HMCN1: variants seen among roughly 807,000 people sequenced by gnomAD.
The protein encoded by HMCN1 is hemicentin 1.
A neutral mutation model predicts 625.9 loss-of-function variants in HMCN1; 321 were observed. The ratio of observed to expected loss-of-function variants is 0.51; its 90% CI spans 0.47 to 0.56. HMCN1 has a LOEUF of 0.56. Among genes scored for constraint, HMCN1 ranks in the 20% least tolerant of loss-of-function variants. The pLI is 0.00. For missense variants in HMCN1, 6,588 were observed against 6,887.3 expected, an observed-to-expected ratio of 0.96 and a Z score of 1.54; for synonymous variants, 2,425 against 2,417.6, an observed-to-expected ratio of 1.00 and a Z score of -0.09.
intron 71 of HMCN1, 40 bp downstream of exon 71, chr1:186,108,637 T>C (rs745482715): frequency 8.1e-6 from 13 of 1,612,204 alleles, no homozygotes; most frequent in African/African-American, 1.3e-5. Context: ...CTTTTTGAGA[T>C]GAAAAAAGTA....
At chr1:185,792,926 T>C (rs753931961) in intron 1 of HMCN1, among the ~76,000 whole-genome samples, 1 of 152,244 alleles carries the variant, frequency 6.6e-6, no homozygotes, top group Non-Finnish European at 1.5e-5. Flanking sequence ...TTGTGATTAA[T>C]AATGCAGTTT....
At chr1:186,087,759 A>T (rs1659596467) in intron 60 of HMCN1, 114 bp downstream of exon 60, 1 of 1,239,438 alleles carries the variant, frequency 8.1e-7, no homozygotes, top group Non-Finnish European at 1.2e-6. Flanking sequence ...TCATTAAAAA[A>T]ATACATAGCC....
At position 186,088,501 on chromosome 1, in the gene HMCN1, A is replaced by G. The variant is rs1190933892; in HGVS notation, c.9578-105A>G. 1.3e-5 allele frequency: 18 copies of G among 1,410,252 alleles called. No individual in the cohort carries two copies. In the South Asian group the frequency reaches 2.0e-4, roughly 15 times the overall value. 87.4% of individuals were successfully genotyped at this position (1,410,252 alleles called of 1,614,324 possible). ...TAAAAAAGAAAATGGAGAACTTTTA[A>G]GAAATGCATTTATCACGTAAAGTAA... On this transcript the variant is annotated intron_variant, in intron 62 of 106. Coordinates refer to ENST00000271588, the MANE Select transcript of HMCN1 (RefSeq NM_031935.3).
At chr1:185,989,209 G>GTGTTAGCCAGGA (rs556518679) in intron 20 of HMCN1, among the ~76,000 whole-genome samples, 11 of 151,794 alleles carry the variant, frequency 7.2e-5, no homozygotes, top group Admixed American at 4.6e-4. Flanking sequence ...GGGTTTCACC[G>GTGTTAGCCAGGA]TGGTCTCGAT....
At chr1:186,115,037 A>G in intron 74 of HMCN1, 91 bp downstream of exon 74, 1 of 1,561,324 alleles carries the variant, frequency 6.4e-7, no homozygotes. Flanking sequence ...CTTGACATTG[A>G]AGGCTAGTTA....
intron 11 of HMCN1, among the ~76,000 whole-genome samples, chr1:185,957,754 G>A (rs1239499559): frequency 6.6e-6 from 1 of 152,118 alleles, no homozygotes; most frequent in African/African-American, 2.4e-5. Flanking sequence ...GTGGATGTCT[G>A]TCATTAATTA....
At chr1:185,947,237 A>G (rs1668395058) in intron 11 of HMCN1, among the ~76,000 whole-genome samples, 1 of 152,194 alleles carries the variant, frequency 6.6e-6, no homozygotes, top group African/African-American at 2.4e-5. Context: ...ACTTTCTGCA[A>G]TGATGGAATT....
intron 22 of HMCN1, among the ~76,000 whole-genome samples, chr1:185,990,849 C>A (rs550321742): frequency 2.8e-4 from 42 of 152,300 alleles, no homozygotes; most frequent in Non-Finnish European, 5.3e-4. Flanking sequence ...CTTGCTTAAA[C>A]CCTTATACAA....
chr1:186,077,415 T>C (rs1445813620), intron 54 of HMCN1, among the ~76,000 whole-genome samples: 2 of 152,124 alleles, frequency 1.3e-5, no homozygotes, highest in Non-Finnish European at 2.9e-5. Flanking sequence ...TTTTAATCAT[T>C]GTAACACGGT....
At chr1:186,186,032 A>T (rs1211946224) in intron 105 of HMCN1, among the ~76,000 whole-genome samples, 6 of 152,234 alleles carry the variant, frequency 3.9e-5, no homozygotes, top group Middle Eastern at 3.2e-3. Context: ...TGGCGTTGTT[A>T]TACAGATTGT....
At chr1:186,096,867 A>T (rs1395437425) in intron 68 of HMCN1, among the ~76,000 whole-genome samples, 1 of 152,124 alleles carries the variant, frequency 6.6e-6, no homozygotes, top group Non-Finnish European at 1.5e-5. Flanking sequence ...ACCCTCAACA[A>T]ATTAGGGATA....
At chr1:186,114,753 T>A in intron 73 of HMCN1, 66 bp from the exon 74 acceptor site, 1 of 1,577,070 alleles carries the variant, frequency 6.3e-7, no homozygotes, top group Non-Finnish European at 8.7e-7. Context: ...AACATTTCCC[T>A]CAGTCAAAAT....
intron 4 of HMCN1, among the ~76,000 whole-genome samples, chr1:185,885,223 T>C (rs1664564097): frequency 6.6e-6 from 1 of 151,882 alleles, no homozygotes; most frequent in African/African-American, 2.4e-5. Flanking sequence ...AGAATGAAGA[T>C]ACATTACTAA....
intron 4 of HMCN1, among the ~76,000 whole-genome samples, chr1:185,888,348 A>G (rs1238286205): frequency 1.4e-5 from 2 of 142,872 alleles, no homozygotes; most frequent in African/African-American, 3.0e-5. Flanking sequence ...TTTTGTTGCC[A>G]TTGCTTTTGG....
In HMCN1 at chr1:186,176,512, C is replaced by A. The variant is rs143414595; in HGVS notation, c.15943+1870C>A. The stretch of plus-strand genomic sequence containing the variant: ...TATTCCCATATGATCTTTTTTGTTT[C>A]TACTGTTCACAGCTTGATTTGGCAC... On this transcript the variant is annotated intron_variant, in intron 103 of 106. Coordinates refer to ENST00000271588, the MANE Select transcript of HMCN1 (RefSeq NM_031935.3). Among the ~76,000 whole-genome samples, 164 of 152,154 alleles carry A rather than the reference C, an allele frequency of 1.1e-3. 1 individual carries two copies. Among genetic ancestry groups the A allele is most frequent in the East Asian group, 5.2e-3 (27 of 5,180 alleles).
intron 68 of HMCN1, among the ~76,000 whole-genome samples, chr1:186,098,746 C>A (rs1264523932): frequency 6.6e-6 from 1 of 152,056 alleles, no homozygotes; most frequent in East Asian, 1.9e-4. Context: ...CAGCACTATT[C>A]CCAACAGACA....
intron 1 of HMCN1, among the ~76,000 whole-genome samples, chr1:185,816,576 T>C (rs1330639908): frequency 6.6e-6 from 1 of 152,190 alleles, no homozygotes; most frequent in East Asian, 1.9e-4. Context: ...ATGTCAGCTG[T>C]ATCTGATTAG....
chr1:185,774,573 T>TC (rs1362075964), intron 1 of HMCN1, among the ~76,000 whole-genome samples: 2 of 152,190 alleles, frequency 1.3e-5, no homozygotes, highest in Non-Finnish European at 2.9e-5. Context: ...ATAAATGAAT[T>TC]GCTGAGCTGT....
intron 11 of HMCN1, among the ~76,000 whole-genome samples, chr1:185,951,806 C>T (rs367857770): frequency 0.026 from 3,922 of 151,736 alleles, 155 homozygotes; most frequent in Admixed American, 0.1. Flanking sequence ...CTGGCTGCTG[C>T]GGTTCAGGCA....
Sources: allele counts gnomAD v4.1 joint callset (sites outside exome capture counted in the v4.1 genomes callset), GRCh38; gene constraint gnomAD v4.1.1; transcripts MANE v1.5; gene names NCBI Gene and HGNC (gene_info 2026-07-23, HGNC 2026-07-21).